The following PCDHGB7 variants were observed in gnomAD, a reference collection of about 807,000 sequenced individuals.
PCDHGB7 encodes protocadherin gamma-B7.
PCDHGB7 carries 37 observed loss-of-function variants against 61.4 expected under a neutral mutation model. The observed-to-expected ratio is 0.60, with a 90% CI of 0.46 to 0.79. The LOEUF (loss-of-function observed/expected upper bound fraction) is 0.79. PCDHGB7 is among the 30% of genes least tolerant of loss of function. PCDHGB7 has a pLI of 0.00. For missense variants in PCDHGB7, 1,166 were observed against 1,202.5 expected (o/e 0.97, Z 0.45); for synonymous variants, 464 against 503.5 (o/e 0.92, Z 1.05).
chr5:141,467,532 T>G (rs2099145568), intron 1 of PCDHGB7, among the ~76,000 whole-genome samples: 1 of 152,234 alleles, frequency 6.6e-6, no homozygotes, highest in Non-Finnish European at 1.5e-5. Flanking sequence ...TGTGCTGAGA[T>G]ATGGATCTGA....
At chr5:141,496,146 G>A (rs749790409) in intron 2 of PCDHGB7, among the ~76,000 whole-genome samples, 1 of 151,170 alleles carries the variant, frequency 6.6e-6, no homozygotes, top group Non-Finnish European at 1.5e-5. Flanking sequence ...GCCTTTGATC[G>A]CAGCTCTCCA....
chr5:141,504,578 TGCCCAGGATTCACAGCAA>T (rs2099839274), intron 2 of PCDHGB7, among the ~76,000 whole-genome samples: 1 of 148,500 alleles, frequency 6.7e-6, no homozygotes, highest in African/African-American at 2.5e-5. Flanking sequence ...GAACACCATC[TGCCCAGGATTCACAGCAA>T]GAGGGAACTT....
rs961341807 is a variant in PCDHGB7 at position 141,486,262 on chromosome 5, A to G, written c.2416-8545A>G. The G allele has an allele frequency of 6.2e-6, 10 of 1,613,912 alleles. No individual in the cohort carries two copies. Among genetic ancestry groups the G allele is most frequent in the Non-Finnish European group, 8.5e-6 (10 of 1,179,986 alleles). On this transcript the variant is annotated intron_variant, in intron 1 of 3. Transcript: ENST00000398594. This position sits in a 1 kb window ranked among gnomAD's most constrained non-coding sequence, Gnocchi z 5.0. ...AGCTTGGAACCCTCCCCGAGAGTGC[A>G]GAACCTGGCACTGTGGTGGCACTTA...
At position 141,486,927 on chromosome 5, in the gene PCDHGB7, G is replaced by A; in HGVS notation, c.2416-7880G>A. ...CCCCAAGCACTGCCTCCATCAGTTG[G>A]TGCTGGCCACCTAATCACAAAGGTG... On this transcript the variant is annotated intron_variant, in intron 1 of 3. Transcript: ENST00000398594. The surrounding 1 kb of genome is among the most constrained non-coding windows in gnomAD (Gnocchi z 5.0). 4 of 1,614,226 alleles carry A rather than the reference G, an allele frequency of 2.5e-6. No individual in the cohort carries two copies. Among genetic ancestry groups the A allele is most frequent in the Non-Finnish European group, 3.4e-6 (4 of 1,180,046 alleles).
At chr5:141,495,274 G>A (rs1396412578) in intron 2 of PCDHGB7, among the ~76,000 whole-genome samples, 1 of 152,190 alleles carries the variant, frequency 6.6e-6, no homozygotes, top group Non-Finnish European at 1.5e-5. Context: ...TTGACCGGAG[G>A]AGGCGGTCCG....
chr5:141,432,495 C>G lies in PCDHGB7; in HGVS notation c.2415+12221C>G. 1.2e-6 allele frequency: 2 copies of G among 1,614,182 alleles called. No individual in the cohort carries two copies. The highest frequency in any genetic ancestry group is 1.7e-6 in the Non-Finnish European group (2 of 1,180,048). On this transcript the variant is annotated intron_variant, in intron 1 of 3. Coordinates refer to ENST00000398594, the MANE Select transcript of PCDHGB7 (RefSeq NM_018927.4). The surrounding 1 kb of genome is among the most constrained non-coding windows in gnomAD (Gnocchi z 6.0). ...GGTTCCACTGGCGTGGAGCTGGCTC[C>G]CCGCTCCGCAGAGCCCGGCTACCTG...
In PCDHGB7 at chr5:141,477,491, C is replaced by T; in HGVS notation, c.2416-17316C>T. 1 of 1,614,154 alleles carries T rather than the reference C, an allele frequency of 6.2e-7. No homozygotes were observed. The highest frequency in any genetic ancestry group is 8.5e-7 in the Non-Finnish European group (1 of 1,180,022). On this transcript the variant is annotated intron_variant, in intron 1 of 3. Coordinates refer to ENST00000398594, the MANE Select transcript of PCDHGB7 (RefSeq NM_018927.4). The surrounding 1 kb of genome is among the most constrained non-coding windows in gnomAD (Gnocchi z 4.9). ...CAATGACAACCCTCCACAATCTTCT[C>T]AATCTTCCTACGACGTTTACATTGA...
intron 1 of PCDHGB7, chr5:141,430,875 T>C: frequency 6.3e-7 from 1 of 1,599,398 alleles, no homozygotes; most frequent in Non-Finnish European, 8.5e-7. Context: ...CCGGAAGAGC[T>C]GGAGAAAGGC....
chr5:141,443,618 G>A (rs901899343), intron 1 of PCDHGB7, among the ~76,000 whole-genome samples: 2 of 152,178 alleles, frequency 1.3e-5, no homozygotes, highest in Non-Finnish European at 2.9e-5. Context: ...TTATAATCAG[G>A]TGATTGTAAA....
chr5:141,496,766 CT>C (rs1361332988), intron 2 of PCDHGB7, among the ~76,000 whole-genome samples: 1 of 152,068 alleles, frequency 6.6e-6, no homozygotes, highest in Non-Finnish European at 1.5e-5. Context: ...TATCGAGCAT[CT>C]ACTATGAGCA....
At chr5:141,499,461 A>G (rs1448103747) in intron 2 of PCDHGB7, among the ~76,000 whole-genome samples, 2 of 152,226 alleles carry the variant, frequency 1.3e-5, no homozygotes. Flanking sequence ...TCATTTTACA[A>G]TCTAGGGAGA....
chr5:141,448,515 T>C (rs1158968509), intron 1 of PCDHGB7, among the ~76,000 whole-genome samples: 1 of 152,212 alleles, frequency 6.6e-6, no homozygotes, highest in Non-Finnish European at 1.5e-5. Flanking sequence ...TTTATAACTT[T>C]ATTAAGCATC....
rs934206266 is a variant in PCDHGB7, at chr5:141,483,131, G to A, written c.2416-11676G>A. Among the ~76,000 whole-genome samples, 14 of 152,274 alleles carry A rather than the reference G, an allele frequency of 9.2e-5. No individual in the cohort carries two copies. The South Asian group carries it at 2.9e-3, about 32-fold the overall frequency. On this transcript the variant is annotated intron_variant, in intron 1 of 3. Transcript: ENST00000398594. ...AACAGACAGTCTTTGTAGGAGATGA[G>A]GTGAAGCAAGTAGGCAGGAGTTAGA...
Position 141,475,033 on chromosome 5 carries a change from A to G in PCDHGB7, c.2416-19774A>G, listed in dbSNP as rs1223709259. 2.0e-5 allele frequency among the ~76,000 whole-genome samples: 3 copies of G among 152,362 alleles called. No individual in the cohort carries two copies. In the East Asian group the frequency reaches 5.8e-4, roughly 29 times the overall value. ...TTAAGGCTCTTTATTCTGTGACTAA[A>G]GGCTTTGTATTTTCTAAAGATTTGT... is the stretch of plus-strand genomic sequence containing the variant. On this transcript the variant is annotated intron_variant, in intron 1 of 3. Transcript: ENST00000398594.
Position 141,417,943 on chromosome 5 carries a change from G to C in PCDHGB7, c.84G>C (p.Thr28=), listed in dbSNP as rs772925118. ...TGCTGCTGCCTTTGTTCTACCCCAC[G>C]CTGTGTGAGCCGATCCGCTACTCGA... is the stretch of plus-strand genomic sequence containing the variant. ...FPLLLPLFYP[T]LCEPIRYSIP... The change falls in exon 1 of 4, where the codon ACG becomes ACC. Residue 28 remains threonine, a synonymous_variant. Coordinates refer to ENST00000398594, the MANE Select transcript of PCDHGB7 (RefSeq NM_018927.4). The C allele has an allele frequency of 4.1e-5, 66 of 1,613,160 alleles. 1 individual carries two copies. The highest frequency in any genetic ancestry group is 1.8e-4 in the East Asian group (8 of 44,850).
chr5:141,505,143 C>G lies in PCDHGB7; in HGVS notation c.2475-250C>G, dbSNP rs578261428. ...CGCCACTGCACTCCAGCCTGGATGA[C>G]AGAGTAAGACCCTGTCTAAAACAAA... On this transcript the variant is annotated intron_variant, in intron 2 of 3. Coordinates refer to ENST00000398594, the MANE Select transcript of PCDHGB7 (RefSeq NM_018927.4). Among the ~76,000 whole-genome samples the G allele has an allele frequency of 3.3e-5, 5 of 152,290 alleles. No homozygotes were observed. The East Asian group carries it at 7.7e-4, about 24-fold the overall frequency.
In PCDHGB7 at chr5:141,486,476, C is replaced by G. The variant is rs765887978; in HGVS notation, c.2416-8331C>G. The G allele has an allele frequency of 5.0e-6, 8 of 1,613,934 alleles. No homozygotes were observed. In the South Asian group the frequency reaches 7.7e-5, roughly 16 times the overall value. ...TGCTTCTGATGCTGGGAACCCTCCTCTCAGTACCCACAGAACTATTTTCCT... is the reference window on the plus strand; with the variant it reads ...TGCTTCTGATGCTGGGAACCCTCCTGTCAGTACCCACAGAACTATTTTCCT... On this transcript the variant is annotated intron_variant, in intron 1 of 3. Coordinates refer to ENST00000398594, the MANE Select transcript of PCDHGB7 (RefSeq NM_018927.4). The surrounding 1 kb of genome is among the most constrained non-coding windows in gnomAD (Gnocchi z 5.0).
In PCDHGB7 at chr5:141,419,635, G is replaced by A; in HGVS notation, c.1776G>A (p.Val592=). 6.2e-7 allele frequency: 1 copy of A among 1,612,480 alleles called. No homozygotes were observed. The highest frequency in any genetic ancestry group is 1.3e-5 in the African/African-American group (1 of 75,064). The part of the protein sequence containing the change: ...AQPGYLVTKV[V]AVDADSGHNA... ...CAGGCTACCTGGTGACCAAGGTGGT[G>A]GCCGTGGACGCGGACTCGGGGCACA... The change falls in exon 1 of 4, where the codon GTG becomes GTA. Residue 592 remains valine, a synonymous_variant. Coordinates refer to ENST00000398594, the MANE Select transcript of PCDHGB7 (RefSeq NM_018927.4).
intron 1 of PCDHGB7, among the ~76,000 whole-genome samples, chr5:141,464,139 C>T (rs1200161549): frequency 6.6e-6 from 1 of 151,928 alleles, no homozygotes; most frequent in Admixed American, 6.6e-5. Flanking sequence ...GTGGTGGGCG[C>T]CTGTAGTCCC....
Sources: gnomAD v4.1 joint callset for allele counts (sites outside exome capture counted in the v4.1 genomes callset) on GRCh38, gnomAD v4.1.1 for gene constraint, Gnocchi (gnomAD v3.1) non-coding constraint, MANE v1.5 for transcripts, NCBI Gene and HGNC (gene_info 2026-07-23, HGNC 2026-07-21) for gene names.